The following OTUD7B variants were observed in gnomAD, a reference collection of about 807,000 sequenced individuals.
OTUD7B encodes the protein OTU deubiquitinase 7B, also known as OTU domain-containing protein 7B.
Under a neutral mutation model 82.2 loss-of-function variants are expected in OTUD7B, and 34 were observed. The observed-to-expected ratio is 0.41, with a 90% CI of 0.31 to 0.55. The LOEUF (loss-of-function observed/expected upper bound fraction) is 0.55, where lower values mean the gene tolerates loss of function less well. Ranked by LOEUF, OTUD7B falls within the 20% of genes least tolerant of loss-of-function variation. The pLI is 0.20. For missense variants in OTUD7B, 944 were observed against 1,062.1 expected, an observed-to-expected ratio of 0.89 and a Z score of 1.55; for synonymous variants, 398 against 402.7, an observed-to-expected ratio of 0.99 and a Z score of 0.14.
chr1:150,029,768 A>G, the OTUD7B span, among the ~76,000 whole-genome samples: 1 of 152,214 alleles, frequency 6.6e-6, no homozygotes, highest in African/African-American at 2.4e-5. Flanking sequence ...GGAAGGTGCA[A>G]TGGGTTCTCC....
At chr1:150,015,670 T>C (rs1653245725), upstream of OTUD7B, among the ~76,000 whole-genome samples, 1 of 152,188 alleles carries the variant, frequency 6.6e-6, no homozygotes. Flanking sequence ...AACATGTTGG[T>C]TGCTTAACCA....
chr1:149,967,722 T>G (rs1649612791), intron 3 of OTUD7B, among the ~76,000 whole-genome samples: 1 of 152,202 alleles, frequency 6.6e-6, no homozygotes, highest in Admixed American at 6.5e-5. Context: ...GCACTCACAT[T>G]AGCACCAAAT....
intron 1 of OTUD7B, among the ~76,000 whole-genome samples, chr1:150,009,488 G>C (rs1412747295): frequency 1.3e-5 from 2 of 152,180 alleles, no homozygotes; most frequent in East Asian, 3.9e-4. Flanking sequence ...GCGTTACGTA[G>C]TACGTATAAA....
rs376023127 is a variant in OTUD7B, at chr1:149,997,543, G to C, written c.-67+12905C>G. Among the ~76,000 whole-genome samples the C allele has an allele frequency of 5.9e-5, 9 of 152,182 alleles. No homozygotes were observed. In the South Asian group the frequency reaches 8.3e-4, roughly 14 times the overall value. ...AAGCCTACCTTCTTGCAGGGAGAGT[G>C]GGGGGACACTAATTGTATCTTCAAA... is the stretch of plus-strand genomic sequence containing the variant. On this transcript the variant is annotated intron_variant, in intron 1 of 11. Transcript: ENST00000581312.
intron 4 of OTUD7B, 55 bp downstream of exon 4, chr1:149,967,239 C>T (rs1428233017): frequency 3.7e-5 from 47 of 1,282,198 alleles, no homozygotes; most frequent in Non-Finnish European, 5.2e-5. Flanking sequence ...CTCCACAAGG[C>T]TGCCTGTAGG....
intron 1 of OTUD7B, among the ~76,000 whole-genome samples, chr1:149,989,657 C>T (rs1477631469): frequency 6.8e-6 from 1 of 146,588 alleles, no homozygotes; most frequent in East Asian, 2.0e-4. Flanking sequence ...GAGGATCAAT[C>T]GAGGCCAGGC....
At chr1:150,051,107 TAA>T in the OTUD7B span, among the ~76,000 whole-genome samples, 2 of 151,140 alleles carry the variant, frequency 1.3e-5, no homozygotes, top group South Asian at 4.2e-4. Flanking sequence ...CAGGAGCCTG[TAA>T]TCCCAGCTAC....
chr1:150,045,421 T>C, the OTUD7B span, among the ~76,000 whole-genome samples: 1 of 151,992 alleles, frequency 6.6e-6, no homozygotes, highest in East Asian at 1.9e-4. Flanking sequence ...GTGCTGGGGA[T>C]TGACCCAGGG....
chr1:150,054,665 GGGTGT>G, the OTUD7B span: 25 of 330,516 alleles, frequency 7.6e-5, no homozygotes, highest in Non-Finnish European at 1.4e-4. Context: ...AAAATTAGCC[GGGTGT>G]GGTGGCATGG....
the OTUD7B span, among the ~76,000 whole-genome samples, chr1:150,047,200 T>C: frequency 6.6e-6 from 1 of 152,208 alleles, no homozygotes; most frequent in South Asian, 2.1e-4. Flanking sequence ...CACTCCCACC[T>C]CAGGGATTTA....
rs372436664 is a variant in OTUD7B at position 149,971,244 on chromosome 1, A to G, written c.93T>C (p.Asn31=). Residue 31 remains asparagine, a synonymous_variant, in exon 3 of 12, where the codon AAT becomes AAC. Coordinates refer to ENST00000581312, the MANE Select transcript of OTUD7B (RefSeq NM_020205.4). ...CACTGAGGGCGGCATTCACATCCCA[A>G]TTCTTTCCTGTCAGGAGACAAAGCA... ...GLARDLLEGK[N]WDVNAALSDF... 8.7e-5 allele frequency: 140 copies of G among 1,605,456 alleles called. 1 individual carries two copies. The highest frequency in any genetic ancestry group is 3.3e-4 in the Middle Eastern group (2 of 6,032).
intron 1 of OTUD7B, among the ~76,000 whole-genome samples, chr1:149,986,237 T>TCA (rs34962941): frequency 0.096 from 13,062 of 136,294 alleles, 628 homozygotes; most frequent in African/African-American, 0.16. Flanking sequence ...TGGTACCCCA[T>TCA]CACACACACA....
At chr1:149,950,028 T>G in intron 8 of OTUD7B, 66 bp downstream of exon 8, 1 of 1,592,444 alleles carries the variant, frequency 6.3e-7, no homozygotes, top group Non-Finnish European at 8.5e-7. Context: ...TTCCTTCCAA[T>G]GCTTAGCCTA....
chr1:150,026,411 C>T, the OTUD7B span, among the ~76,000 whole-genome samples: 1 of 152,138 alleles, frequency 6.6e-6, no homozygotes, highest in African/African-American at 2.4e-5. Context: ...TACTTTTATT[C>T]TTTGGAGAGA....
At chr1:149,947,487 A>G in intron 10 of OTUD7B, 152 bp from the exon 11 acceptor site, 1 of 546,658 alleles carries the variant, frequency 1.8e-6, no homozygotes, top group African/African-American at 1.9e-5. Flanking sequence ...AAGCTTTATG[A>G]CCTTGAGCAA....
At chr1:150,064,223 A>C in the OTUD7B span, among the ~76,000 whole-genome samples, 1 of 152,212 alleles carries the variant, frequency 6.6e-6, no homozygotes, top group African/African-American at 2.4e-5. Context: ...TAATTCTCAC[A>C]AATTCATGAG....
Position 149,947,351 on chromosome 1 carries a change from A to G in OTUD7B, c.1239-16T>C. 6.8e-7 allele frequency: 1 copy of G among 1,480,110 alleles called. No homozygotes were observed. Among genetic ancestry groups the G allele is most frequent in the Non-Finnish European group, 9.4e-7 (1 of 1,058,500 alleles). The allele number at this position is 1,480,110 out of a possible 1,614,324, so 91.7% of individuals were successfully genotyped here. A position where few individuals can be genotyped will look rare whatever the true frequency, so the allele number is the denominator to read the frequency against. On this transcript the variant is annotated splice_polypyrimidine_tract_variant and intron_variant, in intron 10 of 11. Transcript: ENST00000581312. ...CAGAATTACACTATGAAAAAGAGAA[A>G]AAACAAATTACTGTCACCTTTTAAA...
At chr1:149,945,120 AT>A (rs1228022208) in intron 11 of OTUD7B, 55 bp from the exon 12 acceptor site, 69 of 1,567,260 alleles carry the variant, frequency 4.4e-5, no homozygotes, top group Admixed American at 1.4e-4. Context: ...GGGTGGGGGA[AT>A]CCCCCAGGGA....
intron 2 of OTUD7B, among the ~76,000 whole-genome samples, chr1:149,973,216 C>T (rs587683107): frequency 1.4e-4 from 22 of 152,234 alleles, no homozygotes; most frequent in African/African-American, 4.8e-4. Flanking sequence ...CTTTATAATA[C>T]GATAGTTTAC....
Sources: allele counts gnomAD v4.1 joint callset (sites outside exome capture counted in the v4.1 genomes callset), GRCh38; gene constraint gnomAD v4.1.1; transcripts MANE v1.5; gene names NCBI Gene and HGNC (gene_info 2026-07-23, HGNC 2026-07-21).